The following NCAM2 variants were observed in gnomAD, a reference collection of about 807,000 sequenced individuals.
NCAM2 encodes the protein neural cell adhesion molecule 2.
A neutral mutation model predicts 98.1 loss-of-function variants in NCAM2; 30 were observed. The observed-to-expected ratio is 0.31, with a 90% CI of 0.23 to 0.41. The LOEUF is 0.41. NCAM2 is among the 10% of genes least tolerant of loss of function. The pLI is 1.00. For missense variants in NCAM2, 867 were observed against 1,005.8 expected (o/e 0.86, Z 1.87); for synonymous variants, 368 against 342.4 (o/e 1.07, Z -0.83).
chr21:21,501,103 T>C (rs911527689), intron 15 of NCAM2, among the ~76,000 whole-genome samples: 10 of 152,050 alleles, frequency 6.6e-5, no homozygotes, highest in Admixed American at 2.0e-4. Flanking sequence ...ATTTTACTCT[T>C]TGTATATTCA....
intron 1 of NCAM2, among the ~76,000 whole-genome samples, chr21:21,060,055 A>C (rs1159740176): frequency 2.6e-5 from 4 of 152,092 alleles, no homozygotes; most frequent in Non-Finnish European, 5.9e-5. Flanking sequence ...CACATGTCTG[A>C]ACTAATCTGA....
At position 21,048,573 on chromosome 21, in the gene NCAM2, T is replaced by C. The variant is rs182616530; in HGVS notation, c.55+49955T>C. 3.0e-4 allele frequency among the ~76,000 whole-genome samples: 45 copies of C among 152,334 alleles called. No homozygotes were observed. In the East Asian group the frequency reaches 3.5e-3, roughly 12 times the overall value. On this transcript the variant is annotated intron_variant, in intron 1 of 17. Coordinates refer to ENST00000400546, the MANE Select transcript of NCAM2 (RefSeq NM_004540.5). The stretch of plus-strand genomic sequence containing the variant: ...TTTCACTGTGTTAGCCAGGTTGGCA[T>C]TGATCTCCTGACCTCGTGATCCACC...
At chr21:21,054,346 A>G (rs1456156845) in intron 1 of NCAM2, among the ~76,000 whole-genome samples, 2 of 151,998 alleles carry the variant, frequency 1.3e-5, no homozygotes, top group Admixed American at 6.5e-5. Context: ...GTTTGAACTC[A>G]TTTACTTCAG....
intron 9 of NCAM2, among the ~76,000 whole-genome samples, chr21:21,381,810 T>A (rs2076159846): frequency 6.6e-6 from 1 of 152,188 alleles, no homozygotes; most frequent in African/African-American, 2.4e-5. Context: ...GGTTTCTTTA[T>A]TCTTCCTTCA....
chr21:21,343,352 T>TACACACACACACACACACAC (rs1207234552), intron 8 of NCAM2, among the ~76,000 whole-genome samples: 8 of 110,164 alleles, frequency 7.3e-5, no homozygotes, highest in African/African-American at 1.8e-4. Flanking sequence ...CAACTATCTA[T>TACACACACACACACACACAC]ACACATACAC....
chr21:21,470,268 TAC>T (rs1299060426), intron 14 of NCAM2, among the ~76,000 whole-genome samples: 2 of 152,084 alleles, frequency 1.3e-5, no homozygotes, highest in Non-Finnish European at 2.9e-5. Context: ...TGTATACATA[TAC>T]ACAGTTTAAA....
In NCAM2 at chr21:21,494,968, TTA is replaced by T. The variant is rs1279140300; in HGVS notation, c.2078-13882_2078-13881del. 6.7e-5 allele frequency among the ~76,000 whole-genome samples: 9 copies of T among 134,170 alleles called. No homozygotes were observed. In the South Asian group the frequency reaches 2.2e-3, roughly 33 times the overall value. 88.0% of individuals were successfully genotyped at this position (134,170 alleles called of 152,430 possible). On this transcript the variant is annotated intron_variant, in intron 15 of 17. Coordinates refer to ENST00000400546, the MANE Select transcript of NCAM2 (RefSeq NM_004540.5). ...TTTTCTTATGTTAAAATCAGTTACTTTAAAGGATAACAAGAATTTGACAAGTT... is the reference window on the plus strand; with the variant it reads ...TTTTCTTATGTTAAAATCAGTTACTTAAGGATAACAAGAATTTGACAAGTT...
At chr21:21,121,700 A>T (rs535916526) in intron 1 of NCAM2, among the ~76,000 whole-genome samples, 1 of 152,382 alleles carries the variant, frequency 6.6e-6, no homozygotes, top group Non-Finnish European at 1.5e-5. Context: ...ATCATGAATT[A>T]TAGCTTGCTC....
chr21:21,083,676 A>G (rs2065854220), intron 1 of NCAM2, among the ~76,000 whole-genome samples: 1 of 152,008 alleles, frequency 6.6e-6, no homozygotes, highest in Non-Finnish European at 1.5e-5. Flanking sequence ...CGGCATCCCA[A>G]ATTGCTGGGA....
chr21:21,491,738 G>C (rs1387668875), intron 15 of NCAM2, among the ~76,000 whole-genome samples: 1 of 151,298 alleles, frequency 6.6e-6, no homozygotes. Context: ...TTCCATGACA[G>C]TCCAGTCCAA....
chr21:21,153,309 T>C (rs2067503295), intron 1 of NCAM2, among the ~76,000 whole-genome samples: 1 of 151,656 alleles, frequency 6.6e-6, no homozygotes, highest in Non-Finnish European at 1.5e-5. Flanking sequence ...TTTTTTTTCA[T>C]GAAGCTCCCT....
chr21:21,212,517 A>T (rs1235343839), intron 1 of NCAM2, among the ~76,000 whole-genome samples: 2 of 152,292 alleles, frequency 1.3e-5, no homozygotes, highest in East Asian at 3.9e-4. Context: ...TGTACAGATG[A>T]TAAAATTATA....
chr21:21,267,015 T>C (rs1430255990), intron 1 of NCAM2, among the ~76,000 whole-genome samples: 1 of 152,076 alleles, frequency 6.6e-6, no homozygotes, highest in East Asian at 1.9e-4. Context: ...AGGTACCAAT[T>C]AGTTATTTTT....
Position 21,019,546 on chromosome 21 carries a change from G to A in NCAM2, c.55+20928G>A, listed in dbSNP as rs1365253331. Among the ~76,000 whole-genome samples, 3 of 152,128 alleles carry A rather than the reference G, an allele frequency of 2.0e-5. No homozygotes were observed. The East Asian group carries it at 5.8e-4, about 29-fold the overall frequency. Reference sequence around the variant, plus strand: ...TCCTTAATATTTTCATCCATAGAATGAGGATAATAATATTAGTGCTATTCA... The same window carrying A: ...TCCTTAATATTTTCATCCATAGAATAAGGATAATAATATTAGTGCTATTCA... On this transcript the variant is annotated intron_variant, in intron 1 of 17. Transcript: ENST00000400546.
intron 8 of NCAM2, among the ~76,000 whole-genome samples, chr21:21,347,592 C>T (rs2075223887): frequency 6.6e-6 from 1 of 151,970 alleles, no homozygotes; most frequent in Admixed American, 6.6e-5. Context: ...GAGCTAATCC[C>T]AGTCCTACTC....
chr21:21,319,443 C>T (rs911811859), intron 5 of NCAM2, among the ~76,000 whole-genome samples: 1 of 152,148 alleles, frequency 6.6e-6, no homozygotes, highest in African/African-American at 2.4e-5. Context: ...GAGTTTGAGA[C>T]CAGCCTGGCC....
chr21:21,058,868 C>G (rs1263054610), intron 1 of NCAM2, among the ~76,000 whole-genome samples: 3 of 151,990 alleles, frequency 2.0e-5, no homozygotes, highest in Non-Finnish European at 4.4e-5. Context: ...AATACAAATA[C>G]CTCCATGTGA....
intron 9 of NCAM2, among the ~76,000 whole-genome samples, chr21:21,395,198 G>T (rs377129240): frequency 1.5e-3 from 233 of 152,246 alleles, no homozygotes; most frequent in African/African-American, 5.2e-3. Context: ...AGCTGGGCCT[G>T]GTGGCGCATG....
chr21:21,441,241 G>T (rs1979221161), intron 12 of NCAM2, among the ~76,000 whole-genome samples: 1 of 152,064 alleles, frequency 6.6e-6, no homozygotes, highest in African/African-American at 2.4e-5. Context: ...TACGAAGCAT[G>T]GAATACCAAA....
Sources: gnomAD v4.1 joint callset for allele counts (sites outside exome capture counted in the v4.1 genomes callset) on GRCh38, gnomAD v4.1.1 for gene constraint, MANE v1.5 for transcripts, NCBI Gene and HGNC (gene_info 2026-07-23, HGNC 2026-07-21) for gene names.